The following CSRNP2 variants were observed in gnomAD, a reference collection of about 807,000 sequenced individuals.
The protein encoded by CSRNP2 is cysteine/serine-rich nuclear protein 2.
CSRNP2 carries 11 observed loss-of-function variants against 36.6 expected under a neutral mutation model. The observed-to-expected ratio is 0.30, with a 90% CI of 0.19 to 0.50. The LOEUF (loss-of-function observed/expected upper bound fraction) is 0.50. Among genes scored for constraint, CSRNP2 ranks in the 20% least tolerant of loss-of-function variants. The pLI is 0.98. For synonymous variants in CSRNP2, 248 were observed against 275.3 expected (o/e 0.90, Z 0.98); for missense variants, 483 against 691.4 (o/e 0.70, Z 3.38).
intron 3 of CSRNP2, among the ~76,000 whole-genome samples, 175 bp from the exon 4 acceptor site, chr12:51,068,144 A>G (rs977640408): frequency 1.3e-5 from 2 of 152,220 alleles, no homozygotes; most frequent in Admixed American, 6.5e-5. Flanking sequence ...AAATGCAGCA[A>G]TTGGAAAACT....
chr12:51,074,263 G>A (rs963212479), intron 2 of CSRNP2, among the ~76,000 whole-genome samples, 181 bp from the exon 3 acceptor site: 2 of 152,092 alleles, frequency 1.3e-5, no homozygotes, highest in Admixed American at 6.6e-5. Context: ...GATTACAGGC[G>A]TGTGTCACCA....
chr12:51,068,043 G>T, intron 3 of CSRNP2, 74 bp from the exon 4 acceptor site: 1 of 1,412,776 alleles, frequency 7.1e-7, no homozygotes, highest in Non-Finnish European at 9.8e-7. Flanking sequence ...TCCCAGAGCA[G>T]CACTGTCCCT....
Position 51,067,856 on chromosome 12 carries a change from C to T in CSRNP2, c.525G>A (p.Leu175=). ...ENVEVDDYFF[L]QPLPTKRRRA... is the part of the protein sequence containing the mutation. ...GTCGCCGTTTGGTGGGCAGAGGCTG[C>T]AGGAAGAAGTAATCATCCACCTCCA... The change falls in exon 4 of 5, where the codon CTG becomes CTA. Residue 175 remains leucine, a synonymous_variant. Coordinates refer to ENST00000228515, the MANE Select transcript of CSRNP2 (RefSeq NM_030809.3). This position sits in a 1 kb window ranked among gnomAD's most constrained non-coding sequence, Gnocchi z 4.1. 1.2e-6 allele frequency: 2 copies of T among 1,614,222 alleles called. No homozygotes were observed. The highest frequency in any genetic ancestry group is 1.7e-6 in the Non-Finnish European group (2 of 1,180,054).
chr12:51,067,676 G>A lies in CSRNP2; in HGVS notation c.705C>T (p.Cys235=). 1 of 1,612,988 alleles carries A rather than the reference G, an allele frequency of 6.2e-7. No homozygotes were observed. The highest frequency in any genetic ancestry group is 8.5e-7 in the Non-Finnish European group (1 of 1,179,270). Residue 235 remains cysteine, a synonymous_variant, in exon 4 of 5, where the codon TGC becomes TGT. Transcript: ENST00000228515. The surrounding 1 kb of genome is among the most constrained non-coding windows in gnomAD (Gnocchi z 4.1). ...TCTCAGGCCAACTTGGACTGACCTG[G>A]CATTTAATCCCAGCCTGGCTGCAGG... ...ACACSQAGIK[C]QVDRMSFPCG... is the part of the protein sequence containing the mutation.
rs1433827232 is a variant in CSRNP2 at position 51,061,737 on chromosome 12, C to T, written c.*2009G>A. ...CATATTCCTGGTTTGATCCCAAAAG[C>T]TAATGTGTTCCTCATCGTGCAGCTG... is the stretch of plus-strand genomic sequence containing the variant. On this transcript the variant is annotated 3_prime_UTR_variant, in exon 5 of 5. Transcript: ENST00000228515. 2.6e-5 allele frequency: 4 copies of T among 152,184 alleles called. No homozygotes were observed. Among genetic ancestry groups the T allele is most frequent in the Non-Finnish European group, 5.9e-5 (4 of 68,026 alleles). 9.4% of individuals were successfully genotyped at this position (152,184 alleles called of 1,614,324 possible). A position where few individuals can be genotyped will look rare whatever the true frequency, so the allele number is the denominator to read the frequency against.
At chr12:51,068,174 T>G (rs1224923213) in intron 3 of CSRNP2, among the ~76,000 whole-genome samples, 1 of 152,254 alleles carries the variant, frequency 6.6e-6, no homozygotes, top group East Asian at 1.9e-4. Flanking sequence ...TTTATTTTTT[T>G]GAGACAAAAG....
intron 4 of CSRNP2, 66 bp from the exon 5 acceptor site, chr12:51,064,735 A>G: frequency 7.3e-7 from 1 of 1,374,886 alleles, no homozygotes; most frequent in Non-Finnish European, 9.7e-7. Flanking sequence ...GACAGGAGAC[A>G]TGAGCTGGCA....
rs1303111593 is a variant in CSRNP2, at chr12:51,062,765, C to T, written c.*981G>A. 2 of 152,340 alleles carry T rather than the reference C, an allele frequency of 1.3e-5. No individual in the cohort carries two copies. Among genetic ancestry groups the T allele is most frequent in the African/African-American group, 4.8e-5 (2 of 41,468 alleles). 9.4% of individuals were successfully genotyped at this position (152,340 alleles called of 1,614,324 possible). A position where few individuals can be genotyped will look rare whatever the true frequency, so the allele number is the denominator to read the frequency against. On this transcript the variant is annotated 3_prime_UTR_variant, in exon 5 of 5. Coordinates refer to ENST00000228515, the MANE Select transcript of CSRNP2 (RefSeq NM_030809.3). ...TTGGTGACCTTAAGATTGCCACATT[C>T]TACATTCCACTAAAGCTCAGATCTC... is the stretch of plus-strand genomic sequence containing the variant.
Position 51,067,409 on chromosome 12 carries a change from T to G in CSRNP2, c.708+264A>C, listed in dbSNP as rs539389862. Among the ~76,000 whole-genome samples the G allele has an allele frequency of 3.9e-5, 6 of 152,108 alleles. No individual in the cohort carries two copies. The highest frequency in any genetic ancestry group is 7.4e-5 in the Non-Finnish European group (5 of 68,016). ...CAGGCTGGCGTGCACTGGTGTGAAC[T>G]CAGCTCACTGCAGCCTTGACCTCCT... On this transcript the variant is annotated intron_variant, in intron 4 of 4. Transcript: ENST00000228515. This position sits in a 1 kb window ranked among gnomAD's most constrained non-coding sequence, Gnocchi z 4.1.
intron 3 of CSRNP2, among the ~76,000 whole-genome samples, chr12:51,069,914 A>G (rs12812650): frequency 0.16 from 24,485 of 151,608 alleles, 2,187 homozygotes; most frequent in South Asian, 0.26. Context: ...GTTAGCCAGG[A>G]TGGTCTTGAT....
At chr12:51,071,635 C>A (rs1939162197) in intron 3 of CSRNP2, among the ~76,000 whole-genome samples, 1 of 152,172 alleles carries the variant, frequency 6.6e-6, no homozygotes, top group Non-Finnish European at 1.5e-5. Context: ...GTCATCACTG[C>A]TGGTGCTCAC....
In CSRNP2 at chr12:51,064,152, G is replaced by C; in HGVS notation, c.1226C>G (p.Pro409Arg). Residue 409 changes from proline (P) to arginine (R), a missense_variant, in exon 5 of 5, where the codon CCA becomes CGA. Transcript: ENST00000228515. ...DHPTASTVNS[P>R]SYLNSGPLVY... ...CAGGGGCCCACTGTTCAAGTAGGAT[G>C]GGCTGTTCACCGTTGAGGCAGTTGG... The C allele has an allele frequency of 6.2e-7, 1 of 1,614,196 alleles. No individual in the cohort carries two copies. Among genetic ancestry groups the C allele is most frequent in the Non-Finnish European group, 8.5e-7 (1 of 1,180,028 alleles).
Position 51,067,979 on chromosome 12 carries a change from G to A in CSRNP2, c.412-10C>T. On this transcript the variant is annotated splice_polypyrimidine_tract_variant and intron_variant, in intron 3 of 4. Coordinates refer to ENST00000228515, the MANE Select transcript of CSRNP2 (RefSeq NM_030809.3). The surrounding 1 kb of genome is among the most constrained non-coding windows in gnomAD (Gnocchi z 4.1). The stretch of plus-strand genomic sequence containing the variant: ...TCCCATTCTTGGTCAGCTGCCAAGA[G>A]ACAGGAAAGGTTAGCCTCATAGACA... The A allele has an allele frequency of 6.2e-7, 1 of 1,611,040 alleles. No individual in the cohort carries two copies. Among genetic ancestry groups the A allele is most frequent in the South Asian group, 1.1e-5 (1 of 90,738 alleles).
intron 1 of CSRNP2, among the ~76,000 whole-genome samples, chr12:51,080,990 G>C (rs969873104): frequency 5.3e-5 from 8 of 152,094 alleles, no homozygotes; most frequent in African/African-American, 1.9e-4. Context: ...CCCTGTCTCT[G>C]TATTTTCAAA....
At chr12:51,071,417 A>G (rs761094302) in intron 3 of CSRNP2, among the ~76,000 whole-genome samples, 1 of 150,416 alleles carries the variant, frequency 6.6e-6, no homozygotes, top group Non-Finnish European at 1.5e-5. Flanking sequence ...AAGAGAAAAA[A>G]AAAATCTAAG....
chr12:51,081,508 G>A (rs941666592), intron 1 of CSRNP2: 3 of 152,188 alleles, frequency 2.0e-5, no homozygotes, highest in Non-Finnish European at 2.9e-5. Flanking sequence ...TAGGAATGCA[G>A]GTAAAAACCG....
In CSRNP2 at chr12:51,063,303, TTA is replaced by T. The variant is rs1937760851; in HGVS notation, c.*441_*442del. 1.3e-5 allele frequency: 2 copies of T among 153,022 alleles called. No homozygotes were observed. The highest frequency in any genetic ancestry group is 1.3e-4 in the Admixed American group (2 of 15,332). The allele number at this position is 153,022 out of a possible 1,614,324, so 9.5% of individuals were successfully genotyped here. A position where few individuals can be genotyped will look rare whatever the true frequency, so the allele number is the denominator to read the frequency against. Reference sequence around the variant, plus strand: ...CCAGGTGACTTTCCAGTTTGAAGTATTATGACACACCAAAATGGGATATCAGA... The same window carrying T: ...CCAGGTGACTTTCCAGTTTGAAGTATTGACACACCAAAATGGGATATCAGA... On this transcript the variant is annotated 3_prime_UTR_variant, in exon 5 of 5. Transcript: ENST00000228515.
chr12:51,072,343 A>G (rs1264010806), intron 3 of CSRNP2, among the ~76,000 whole-genome samples: 2 of 151,844 alleles, frequency 1.3e-5, no homozygotes, highest in Admixed American at 6.6e-5. Context: ...GCAGATCACG[A>G]GGTCAGGAGA....
Position 51,076,642 on chromosome 12 carries a change from A to C in CSRNP2, c.-81T>G. The C allele has an allele frequency of 6.5e-7, 1 of 1,530,924 alleles. No individual in the cohort carries two copies. The highest frequency in any genetic ancestry group is 1.1e-5 in the South Asian group (1 of 87,602). 94.8% of individuals were successfully genotyped at this position (1,530,924 alleles called of 1,614,324 possible). On this transcript the variant is annotated 5_prime_UTR_variant, in exon 2 of 5. Coordinates refer to ENST00000228515, the MANE Select transcript of CSRNP2 (RefSeq NM_030809.3). ...TCACCACCAGCTAGCCAGGTACATT[A>C]GGATTCTGCCCAGGGAAAAAAAGGA...
Sources: gnomAD v4.1 joint callset for allele counts (sites outside exome capture counted in the v4.1 genomes callset) on GRCh38, gnomAD v4.1.1 for gene constraint, Gnocchi (gnomAD v3.1) non-coding constraint, MANE v1.5 for transcripts, NCBI Gene and HGNC (gene_info 2026-07-23, HGNC 2026-07-21) for gene names.